DMD: variants seen among roughly 807,000 people sequenced by gnomAD.
DMD encodes dystrophin, also known as mutant dystrophin.
DMD carries 63 observed loss-of-function variants against 330.1 expected under a neutral mutation model. That is an observed-to-expected ratio of 0.19 (90% confidence interval 0.16 to 0.24). The LOEUF is 0.24. Among genes scored for constraint, DMD ranks in the 10% least tolerant of loss-of-function variants. The probability of loss-of-function intolerance (pLI) is 1.00; values close to 1 mark genes in which losing one functional copy is unlikely to be tolerated. For missense variants in DMD, 3,344 were observed against 2,684.1 expected, an observed-to-expected ratio of 1.25 and a Z score of -5.43; for synonymous variants, 1,223 against 959.8, an observed-to-expected ratio of 1.27 and a Z score of -5.07.
rs184721383 is a variant in DMD, at chrX:32,701,627, A to G, written c.650-2334T>C. On this transcript the variant is annotated intron_variant, in intron 7 of 78. Coordinates refer to ENST00000357033, the MANE Select transcript of DMD (RefSeq NM_004006.3). The stretch of plus-strand genomic sequence containing the variant: ...TAACTAGTCAGCTGTACCTGTGATT[A>G]GCATAACTTAGAGCTCTTTCATTTT... Among the ~76,000 whole-genome samples the G allele has an allele frequency of 1.4e-3, 160 of 111,516 alleles. 3 individuals carry two copies. The Admixed American group carries it at 0.015, about 11-fold the overall frequency.
chrX:32,427,824 T>G (rs980433017), intron 29 of DMD, among the ~76,000 whole-genome samples: 1 of 111,404 alleles, frequency 9.0e-6, no homozygotes, highest in Non-Finnish European at 1.9e-5. Context: ...AGGCTTTCTA[T>G]ATCCCCTTCC....
At position 31,134,088 on chromosome X, in the gene DMD, G is replaced by A; in HGVS notation, c.11014+14C>T. On this transcript the variant is annotated intron_variant, in intron 77 of 78. Transcript: ENST00000357033. ...CCCAGCAAATCTGAGTCCCTTCTAGGTATTGGAGCTTACCTCTTGAACTAG... is the reference window on the plus strand; with the variant it reads ...CCCAGCAAATCTGAGTCCCTTCTAGATATTGGAGCTTACCTCTTGAACTAG... 2 of 1,199,375 alleles carry A rather than the reference G, an allele frequency of 1.7e-6. No homozygotes were observed. The highest frequency in any genetic ancestry group is 2.3e-6 in the Non-Finnish European group (2 of 884,600).
chrX:31,380,884 C>G (rs1293101721), intron 60 of DMD, among the ~76,000 whole-genome samples: 1 of 110,557 alleles, frequency 9.0e-6, no homozygotes, highest in Non-Finnish European at 1.9e-5. Context: ...CAGACAGCCC[C>G]CATTACTTCA....
At chrX:31,350,065 A>G (rs976432477) in intron 60 of DMD, among the ~76,000 whole-genome samples, 3 of 110,941 alleles carry the variant, frequency 2.7e-5, no homozygotes, top group Non-Finnish European at 5.7e-5. Flanking sequence ...GTTCCCCTAC[A>G]ATGCAGGATT....
intron 26 of DMD, among the ~76,000 whole-genome samples, chrX:32,449,320 A>G (rs1400529803): frequency 9.0e-6 from 1 of 110,669 alleles, no homozygotes; most frequent in African/African-American, 3.3e-5. Context: ...CCATGACAAG[A>G]TCATTCCATA....
At chrX:32,686,700 ATAATT>A (rs1222118708) in intron 9 of DMD, among the ~76,000 whole-genome samples, 8 of 111,002 alleles carry the variant, frequency 7.2e-5, no homozygotes, top group African/African-American at 2.3e-4. Context: ...TATAAGGTTA[ATAATT>A]TAAAGAGAAA....
At chrX:32,844,271 T>C (rs958073568) in intron 4 of DMD, among the ~76,000 whole-genome samples, 7 of 109,175 alleles carry the variant, frequency 6.4e-5, no homozygotes, top group Non-Finnish European at 1.3e-4. Context: ...CTGGCCATAG[T>C]GGCATGTGCC....
At chrX:31,541,462 A>G (rs1407917681) in intron 55 of DMD, among the ~76,000 whole-genome samples, 1 of 105,848 alleles carries the variant, frequency 9.4e-6, no homozygotes, top group African/African-American at 3.4e-5. Flanking sequence ...TACATTAGGT[A>G]TATCTCCTAA....
chrX:31,334,885 C>A (rs1042699510), intron 61 of DMD, among the ~76,000 whole-genome samples: 5 of 111,460 alleles, frequency 4.5e-5, no homozygotes, highest in Non-Finnish European at 9.4e-5. Flanking sequence ...TTTCTCAAAC[C>A]CTCTAAGCAT....
chrX:32,337,755 A>C (rs1290978633), intron 41 of DMD, among the ~76,000 whole-genome samples: 1 of 110,980 alleles, frequency 9.0e-6, no homozygotes, highest in Non-Finnish European at 1.9e-5. Flanking sequence ...ATATGCAATA[A>C]GTCTTCTATT....
At chrX:32,078,772 T>C (rs1167587030) in intron 44 of DMD, among the ~76,000 whole-genome samples, 2 of 111,896 alleles carry the variant, frequency 1.8e-5, no homozygotes, top group Admixed American at 9.5e-5. Flanking sequence ...AGAATCAATA[T>C]AAGCAAAAAG....
At chrX:33,147,126 A>C (rs1457872447) in intron 1 of DMD, among the ~76,000 whole-genome samples, 2 of 111,477 alleles carry the variant, frequency 1.8e-5, no homozygotes, top group African/African-American at 6.5e-5. Context: ...CTGGCCAATA[A>C]ATCTTAAAAT....
chrX:32,297,264 T>TTTA (rs1293724262), intron 42 of DMD, among the ~76,000 whole-genome samples: 2 of 104,306 alleles, frequency 1.9e-5, no homozygotes, highest in African/African-American at 7.4e-5. Flanking sequence ...TATTTATTTA[T>TTTA]TTATTTATTA....
chrX:31,441,556 C>T (rs1488524106), intron 60 of DMD, among the ~76,000 whole-genome samples: 1 of 112,162 alleles, frequency 8.9e-6, no homozygotes, highest in Non-Finnish European at 1.9e-5. Flanking sequence ...TGAACTTGTA[C>T]TTGGTTTTTA....
At chrX:33,095,080 GCT>G (rs1037783573) in intron 1 of DMD, among the ~76,000 whole-genome samples, 13 of 111,803 alleles carry the variant, frequency 1.2e-4, no homozygotes, top group Admixed American at 1.1e-3. Flanking sequence ...TTCAAGCTTT[GCT>G]CTGTGTGCAT....
chrX:32,007,482 G>A (rs1044057149), intron 44 of DMD, among the ~76,000 whole-genome samples: 1 of 110,563 alleles, frequency 9.0e-6, no homozygotes, highest in African/African-American at 3.3e-5. Context: ...CCCAGCTTGT[G>A]GTAATTTGTT....
At chrX:32,552,210 C>T (rs764636673) in intron 16 of DMD, among the ~76,000 whole-genome samples, 2 of 111,833 alleles carry the variant, frequency 1.8e-5, no homozygotes, top group Non-Finnish European at 3.8e-5. Flanking sequence ...CATCCCATTG[C>T]CTGACTGCAA....
intron 2 of DMD, among the ~76,000 whole-genome samples, chrX:32,877,885 G>C (rs753457392): frequency 8.1e-5 from 9 of 111,700 alleles, no homozygotes; most frequent in African/African-American, 2.6e-4. Context: ...CTTTGCCTGC[G>C]ATTGCTCCTT....
At chrX:32,753,198 CTGATT>C (rs2071052295) in intron 7 of DMD, among the ~76,000 whole-genome samples, 1 of 111,395 alleles carries the variant, frequency 9.0e-6, no homozygotes, top group Admixed American at 9.5e-5. Context: ...TACAGATTCC[CTGATT>C]TACTATTTTT....
Sources: gnomAD v4.1 joint callset for allele counts (sites outside exome capture counted in the v4.1 genomes callset) on GRCh38, gnomAD v4.1.1 for gene constraint, MANE v1.5 for transcripts, NCBI Gene and HGNC (gene_info 2026-07-23, HGNC 2026-07-21) for gene names.